The following RBFOX1 variants were observed in gnomAD, a reference collection of about 807,000 sequenced individuals.
RBFOX1 encodes the protein RNA binding fox-1 homolog 1.
RBFOX1 carries 8 observed loss-of-function variants against 57.7 expected under a neutral mutation model. The ratio of observed to expected loss-of-function variants is 0.14; its 90% CI spans 0.08 to 0.25. RBFOX1 has a LOEUF of 0.25. Ranked by LOEUF, RBFOX1 falls within the 10% of genes least tolerant of loss-of-function variation. The pLI, the probability that RBFOX1 is intolerant of heterozygous loss-of-function variation, is 1.00. For missense variants in RBFOX1, 611 were observed against 548.5 expected (o/e 1.11, Z -1.14); for synonymous variants, 326 against 222.4 (o/e 1.47, Z -4.15).
At chr16:5,939,203 C>G (rs1463782228) in intron 4 of RBFOX1, among the ~76,000 whole-genome samples, 2 of 151,962 alleles carry the variant, frequency 1.3e-5, no homozygotes, top group Non-Finnish European at 2.9e-5. Flanking sequence ...ACAAACCTGC[C>G]CATTGTGCAC....
intron 4 of RBFOX1, among the ~76,000 whole-genome samples, chr16:5,922,327 G>A (rs73521328): frequency 6.6e-6 from 1 of 152,124 alleles, no homozygotes; most frequent in Admixed American, 6.5e-5. Flanking sequence ...GAGCTGAGAT[G>A]TAAAGGGGAC....
chr16:5,345,945 C>T (rs1471296505), intron 1 of RBFOX1, among the ~76,000 whole-genome samples: 1 of 152,150 alleles, frequency 6.6e-6, no homozygotes, highest in African/African-American at 2.4e-5. Context: ...CTAATTATGC[C>T]CCTAGGAATC....
At position 6,369,295 on chromosome 16, in the gene RBFOX1, T is replaced by A. The variant is rs188461388; in HGVS notation, c.-64+52238T>A. On this transcript the variant is annotated intron_variant, in intron 2 of 15. Transcript: ENST00000550418. ...TCAAATTCACCTAATTTTAAGGGATTGAATTATTCCTTAGATGTATTCTGC... is the reference window on the plus strand; with the variant it reads ...TCAAATTCACCTAATTTTAAGGGATAGAATTATTCCTTAGATGTATTCTGC... Among the ~76,000 whole-genome samples the A allele has an allele frequency of 2.5e-3, 381 of 152,328 alleles. 2 individuals are homozygous for A. The highest frequency in any genetic ancestry group is 8.2e-3 in the Admixed American group (126 of 15,298).
chr16:6,809,529 A>G (rs1350633924), intron 3 of RBFOX1, among the ~76,000 whole-genome samples: 2 of 152,184 alleles, frequency 1.3e-5, no homozygotes, highest in Non-Finnish European at 2.9e-5. Flanking sequence ...GCAGTGTGGA[A>G]TAAGTTTCTG....
At chr16:5,536,996 A>T (rs755141581) in intron 2 of RBFOX1, among the ~76,000 whole-genome samples, 1 of 152,210 alleles carries the variant, frequency 6.6e-6, no homozygotes, top group Non-Finnish European at 1.5e-5. Context: ...ATCACTGCAT[A>T]ACAAGGATCA....
At chr16:5,900,700 C>T (rs182328463) in intron 4 of RBFOX1, among the ~76,000 whole-genome samples, 33 of 152,214 alleles carry the variant, frequency 2.2e-4, no homozygotes, top group Admixed American at 1.1e-3. Context: ...GCAAGTCATG[C>T]GGGGTTCTTG....
chr16:7,581,028 G>T (rs1209095071), intron 6 of RBFOX1, among the ~76,000 whole-genome samples: 4 of 152,136 alleles, frequency 2.6e-5, no homozygotes, highest in African/African-American at 9.7e-5. Context: ...AAAATGGGAG[G>T]CTCTTGTTCA....
intron 11 of RBFOX1, among the ~76,000 whole-genome samples, chr16:7,652,064 A>T (rs62010160): frequency 0.053 from 7,931 of 150,070 alleles, 252 homozygotes; most frequent in Middle Eastern, 0.11. Flanking sequence ...TTATCAGGGG[A>T]CAGGGGTAAC....
chr16:6,844,869 T>C (rs2093676424), intron 3 of RBFOX1, among the ~76,000 whole-genome samples: 1 of 152,198 alleles, frequency 6.6e-6, no homozygotes, highest in Admixed American at 6.5e-5. Flanking sequence ...TTTTTATTAG[T>C]AACCATTCTG....
intron 1 of RBFOX1, among the ~76,000 whole-genome samples, chr16:6,029,786 A>AG (rs899232416): frequency 6.6e-6 from 1 of 151,824 alleles, no homozygotes; most frequent in African/African-American, 2.4e-5. Flanking sequence ...AAAAAAAAAA[A>AG]AAAAAGGGGA....
At chr16:6,654,525 A>G in intron 2 of RBFOX1, 78 bp from the exon 3 acceptor site, 11 of 1,161,054 alleles carry the variant, frequency 9.5e-6, no homozygotes, top group South Asian at 1.5e-5. Flanking sequence ...CATTTCAACA[A>G]CACCACTGAA....
At chr16:7,029,533 A>T (rs2042255390) in intron 3 of RBFOX1, among the ~76,000 whole-genome samples, 1 of 152,004 alleles carries the variant, frequency 6.6e-6, no homozygotes, top group Non-Finnish European at 1.5e-5. Flanking sequence ...AGCTCTTAAG[A>T]AATCTAATAT....
intron 2 of RBFOX1, among the ~76,000 whole-genome samples, chr16:6,478,296 T>A (rs553358458): frequency 7.0e-6 from 1 of 143,844 alleles, no homozygotes; most frequent in East Asian, 2.0e-4. Context: ...GATCTCAGCT[T>A]ACTGCAACCT....
intron 4 of RBFOX1, among the ~76,000 whole-genome samples, chr16:7,378,430 G>A (rs1378263585): frequency 1.3e-5 from 2 of 152,142 alleles, no homozygotes; most frequent in Admixed American, 6.5e-5. Context: ...CACTGTTAGC[G>A]GAATCCATTT....
At chr16:5,793,744 C>CGT (rs370857188) in intron 3 of RBFOX1, among the ~76,000 whole-genome samples, 6 of 151,866 alleles carry the variant, frequency 4.0e-5, no homozygotes, top group Non-Finnish European at 7.4e-5. Context: ...CATGTGCCTT[C>CGT]GTGTGTGTGT....
chr16:5,827,791 A>C (rs1349122647), intron 3 of RBFOX1, among the ~76,000 whole-genome samples: 1 of 151,316 alleles, frequency 6.6e-6, no homozygotes, highest in East Asian at 1.9e-4. Context: ...TTTCTCCTAC[A>C]CTCGTCCATT....
intron 4 of RBFOX1, among the ~76,000 whole-genome samples, chr16:7,515,392 A>T (rs1176221909): frequency 6.6e-6 from 1 of 152,054 alleles, no homozygotes; most frequent in Non-Finnish European, 1.5e-5. Flanking sequence ...TAAGTACAGC[A>T]TGGAAACAAG....
chr16:6,669,861 G>C (rs187718025), intron 3 of RBFOX1, among the ~76,000 whole-genome samples: 1 of 152,310 alleles, frequency 6.6e-6, no homozygotes. Context: ...AGATCTGATG[G>C]AGCCAGGGAG....
chr16:5,980,680 A>G (rs764137655), intron 4 of RBFOX1, among the ~76,000 whole-genome samples: 26 of 152,198 alleles, frequency 1.7e-4, no homozygotes, highest in Non-Finnish European at 3.5e-4. Context: ...ATTAATTAAT[A>G]TCATGAGGAG....
Sources: allele counts gnomAD v4.1 joint callset (sites outside exome capture counted in the v4.1 genomes callset), GRCh38; gene constraint gnomAD v4.1.1; transcripts MANE v1.5; gene names NCBI Gene and HGNC (gene_info 2026-07-23, HGNC 2026-07-21).